ME3: variants seen among roughly 807,000 people sequenced by gnomAD.
ME3 encodes the protein NADP-dependent malic enzyme, mitochondrial.
In ME3, 48 loss-of-function variants were observed where a neutral mutation model predicts 68.9. That is an observed-to-expected ratio of 0.70 (90% CI 0.55 to 0.89). The LOEUF (loss-of-function observed/expected upper bound fraction) is 0.89. Ranked by LOEUF, ME3 falls within the 40% of genes least tolerant of loss-of-function variation. The pLI is 0.00. For synonymous variants in ME3, 320 were observed against 318.8 expected, an observed-to-expected ratio of 1.00 and a Z score of -0.04; for missense variants, 675 against 797.4, an observed-to-expected ratio of 0.85 and a Z score of 1.85.
At chr11:86,671,131 G>T (rs1946908098) in intron 2 of ME3, among the ~76,000 whole-genome samples, 1 of 152,218 alleles carries the variant, frequency 6.6e-6, no homozygotes, top group South Asian at 2.1e-4. Context: ...GAACTAACTA[G>T]CTGGTGACCT....
At chr11:86,517,167 T>C (rs1953953699) in intron 4 of ME3, among the ~76,000 whole-genome samples, 1 of 152,172 alleles carries the variant, frequency 6.6e-6, no homozygotes, top group African/African-American at 2.4e-5. Context: ...TGCCCTTCCA[T>C]GATTTGTTGA....
chr11:86,583,029 G>A (rs967289383), intron 2 of ME3, among the ~76,000 whole-genome samples: 5 of 151,972 alleles, frequency 3.3e-5, no homozygotes, highest in African/African-American at 7.2e-5. Context: ...ACAAATTTCC[G>A]AAGCATTTTT....
chr11:86,652,139 G>A (rs1945483975), intron 2 of ME3, among the ~76,000 whole-genome samples: 1 of 152,178 alleles, frequency 6.6e-6, no homozygotes, highest in African/African-American at 2.4e-5. Context: ...GAAAGTGATG[G>A]GGAGAATGGA....
intron 2 of ME3, among the ~76,000 whole-genome samples, chr11:86,649,108 T>C (rs572030232): frequency 4.1e-4 from 62 of 152,348 alleles, no homozygotes; most frequent in Admixed American, 7.2e-4. Context: ...ATTAAAAAGC[T>C]TGTCAGCCAC....
chr11:86,647,130 G>A (rs1394677106), intron 2 of ME3, among the ~76,000 whole-genome samples: 2 of 152,150 alleles, frequency 1.3e-5, no homozygotes, highest in Non-Finnish European at 2.9e-5. Context: ...ACACTGTGAA[G>A]AAACTGCATC....
chr11:86,516,651 A>G (rs1953924774), intron 4 of ME3, among the ~76,000 whole-genome samples: 1 of 152,100 alleles, frequency 6.6e-6, no homozygotes, highest in African/African-American at 2.4e-5. Context: ...TCAGCCTCCC[A>G]AAGTGCTGGG....
intron 2 of ME3, among the ~76,000 whole-genome samples, chr11:86,652,423 G>C (rs1019297971): frequency 5.3e-5 from 8 of 152,194 alleles, no homozygotes; most frequent in Admixed American, 3.9e-4. Flanking sequence ...AGCCAGAAGA[G>C]AGTGGGGGTC....
At chr11:86,605,736 A>T (rs1961532181) in intron 2 of ME3, among the ~76,000 whole-genome samples, 1 of 152,174 alleles carries the variant, frequency 6.6e-6, no homozygotes, top group Admixed American at 6.5e-5. Flanking sequence ...TAGATTTTTT[A>T]AAAATCACAC....
intron 4 of ME3, among the ~76,000 whole-genome samples, chr11:86,521,428 C>A (rs59068354): frequency 0.17 from 21,771 of 127,708 alleles, 1,882 homozygotes; most frequent in Middle Eastern, 0.2. Flanking sequence ...CAAAACAAAA[C>A]AAAAATAATA....
intron 2 of ME3, among the ~76,000 whole-genome samples, chr11:86,652,623 C>T (rs1945531803): frequency 2.6e-5 from 4 of 151,932 alleles, no homozygotes; most frequent in Non-Finnish European, 1.5e-5. Flanking sequence ...ACAACCAGTA[C>T]CAGCCACTGC....
At chr11:86,661,831 AGTATTGTATTGTATT>A (rs57724567) in intron 2 of ME3, among the ~76,000 whole-genome samples, 33,847 of 149,952 alleles carry the variant, frequency 0.23, 4,186 homozygotes, top group East Asian at 0.49. Flanking sequence ...TTCAAGGCAG[AGTATTGTATTGTATT>A]GTATTGTATT....
chr11:86,568,431 C>T lies in ME3; in HGVS notation c.184-8608G>A, dbSNP rs183032316. ...CATTTCGACTGGTCAGTGCTTATGC[C>T]GAACCATTTTAAATCTTTTACCTAT... On this transcript the variant is annotated intron_variant, in intron 2 of 14. Transcript: ENST00000543262. Among the ~76,000 whole-genome samples, 92 of 152,294 alleles carry T rather than the reference C, an allele frequency of 6.0e-4. 1 individual carries two copies. In the East Asian group the frequency reaches 0.013, roughly 21 times the overall value.
At chr11:86,463,334 G>A (rs1374893174) in intron 8 of ME3, among the ~76,000 whole-genome samples, 1 of 152,320 alleles carries the variant, frequency 6.6e-6, no homozygotes, top group Non-Finnish European at 1.5e-5. Context: ...TGATTCATGG[G>A]TGAATTCATG....
intron 2 of ME3, among the ~76,000 whole-genome samples, chr11:86,571,170 G>A (rs993837881): frequency 3.9e-5 from 6 of 152,212 alleles, no homozygotes; most frequent in Non-Finnish European, 7.3e-5. Context: ...TTTGAGGTCA[G>A]GGACTCTGTC....
At chr11:86,487,789 A>C (rs752858112) in intron 6 of ME3, among the ~76,000 whole-genome samples, 18 of 152,322 alleles carry the variant, frequency 1.2e-4, no homozygotes, top group Middle Eastern at 3.4e-3. Context: ...ATAATTCTTT[A>C]ACGTGAGGCC....
At chr11:86,471,600 A>G (rs566214556) in intron 7 of ME3, among the ~76,000 whole-genome samples, 1 of 152,228 alleles carries the variant, frequency 6.6e-6, no homozygotes, top group African/African-American at 2.4e-5. Context: ...AATTAAAGAA[A>G]TGTATTCGGC....
At chr11:86,530,580 G>A (rs975471850) in intron 4 of ME3, among the ~76,000 whole-genome samples, 14 of 152,196 alleles carry the variant, frequency 9.2e-5, no homozygotes, top group Admixed American at 1.3e-4. Context: ...GAGGCATCAC[G>A]CTACCTGACT....
chr11:86,447,542 C>T (rs1356187460), intron 11 of ME3, among the ~76,000 whole-genome samples: 1 of 152,044 alleles, frequency 6.6e-6, no homozygotes, highest in Non-Finnish European at 1.5e-5. Context: ...AAATGCCCAT[C>T]TCATTGTGGT....
intron 2 of ME3, among the ~76,000 whole-genome samples, chr11:86,600,395 G>A (rs938273451): frequency 6.6e-6 from 1 of 152,176 alleles, no homozygotes; most frequent in Non-Finnish European, 1.5e-5. Context: ...TCAACAAGAA[G>A]AGCTAAATAT....
Sources: allele counts gnomAD v4.1 joint callset (sites outside exome capture counted in the v4.1 genomes callset), GRCh38; gene constraint gnomAD v4.1.1; transcripts MANE v1.5; gene names NCBI Gene and HGNC (gene_info 2026-07-23, HGNC 2026-07-21).